NUP37: variants seen among roughly 807,000 people sequenced by gnomAD.
NUP37 encodes nucleoporin Nup37.
NUP37 carries 33 observed loss-of-function variants against 45.4 expected under a neutral mutation model. The ratio of observed to expected loss-of-function variants is 0.73; its 90% CI spans 0.55 to 0.97. NUP37 has a LOEUF of 0.97. Ranked by LOEUF, NUP37 falls within the 50% of genes least tolerant of loss-of-function variation. The probability of loss-of-function intolerance (pLI) is 0.00; values close to 1 mark genes in which losing one functional copy is unlikely to be tolerated. For synonymous variants in NUP37, 127 were observed against 130.7 expected, an observed-to-expected ratio of 0.97 and a Z score of 0.19; for missense variants, 365 against 389.7, an observed-to-expected ratio of 0.94 and a Z score of 0.53.
intron 7 of NUP37, 97 bp downstream of exon 7, chr12:102,077,225 G>A (rs1326110929): frequency 7.9e-7 from 1 of 1,260,388 alleles, no homozygotes; most frequent in Non-Finnish European, 1.2e-6. Context: ...TCGCTTGACA[G>A]CATAGTCTCA....
chr12:102,084,767 A>G (rs1033898308), intron 6 of NUP37, among the ~76,000 whole-genome samples: 1 of 152,072 alleles, frequency 6.6e-6, no homozygotes, highest in African/African-American at 2.4e-5. Context: ...AGGAACTACC[A>G]TGAACTTTAG....
intron 3 of NUP37, among the ~76,000 whole-genome samples, chr12:102,102,612 C>T (rs191721919): frequency 5.9e-5 from 9 of 152,270 alleles, no homozygotes; most frequent in Admixed American, 3.3e-4. Flanking sequence ...TAATACAATT[C>T]CACTTGTCTA....
intron 5 of NUP37, among the ~76,000 whole-genome samples, chr12:102,098,437 A>G (rs1284607323): frequency 1.3e-5 from 2 of 152,172 alleles, no homozygotes; most frequent in African/African-American, 4.8e-5. Context: ...ATTATTCCAC[A>G]CAAACTTATC....
chr12:102,118,573 A>G lies in NUP37; in HGVS notation c.-55T>C. ...AAATTAAATAGCCTTCTACTGGACA[A>G]GGTCACGAAACTGTGGATTAGAGCA... On this transcript the variant is annotated 5_prime_UTR_variant, in exon 2 of 10. Transcript: ENST00000552283. 1 of 1,532,252 alleles carries G rather than the reference A, an allele frequency of 6.5e-7. No homozygotes were observed. The highest frequency in any genetic ancestry group is 8.9e-7 in the Non-Finnish European group (1 of 1,128,684). The allele number at this position is 1,532,252 out of a possible 1,614,324, so 94.9% of individuals were successfully genotyped here.
chr12:102,115,889 T>C (rs1406381821), intron 2 of NUP37: 2 of 624,354 alleles, frequency 3.2e-6, no homozygotes, highest in Non-Finnish European at 4.0e-6. Flanking sequence ...TAGTAATGTT[T>C]AACAGTGTTT....
At position 102,118,520 on chromosome 12, in the gene NUP37, T is replaced by C. The variant is rs373346409; in HGVS notation, c.-2A>G. 1.2e-6 allele frequency: 2 copies of C among 1,605,424 alleles called. No individual in the cohort carries two copies. Among genetic ancestry groups the C allele is most frequent in the African/African-American group, 2.7e-5 (2 of 74,538 alleles). ...ATTTCTTGAGGCATCTTGCTTCATC[T>C]TGTATGTCAAAATTCAAGCAGTTGT... On this transcript the variant is annotated 5_prime_UTR_variant, in exon 2 of 10. Transcript: ENST00000552283.
At chr12:102,109,339 G>A (rs1165178030) in intron 3 of NUP37, among the ~76,000 whole-genome samples, 1 of 152,134 alleles carries the variant, frequency 6.6e-6, no homozygotes, top group Non-Finnish European at 1.5e-5. Context: ...ATGATGATAA[G>A]AGAGATGCTG....
At position 102,117,984 on chromosome 12, in the gene NUP37, G is replaced by A. The variant is rs148709528; in HGVS notation, c.156+379C>T. On this transcript the variant is annotated intron_variant, in intron 2 of 9. Coordinates refer to ENST00000552283, the MANE Select transcript of NUP37 (RefSeq NM_024057.4). ...AAGCTATAAAATCTCCTGGAAGATT[G>A]TTTTTTGGGCTCTCAACATTAGCTG... Among the ~76,000 whole-genome samples the A allele has an allele frequency of 2.5e-3, 381 of 152,286 alleles. 3 individuals carry two copies. The highest frequency in any genetic ancestry group is 8.9e-3 in the African/African-American group (369 of 41,572).
chr12:102,082,261 CTT>C (rs1053084480), intron 6 of NUP37, among the ~76,000 whole-genome samples: 11 of 151,832 alleles, frequency 7.2e-5, no homozygotes, highest in Admixed American at 5.2e-4. Flanking sequence ...GTTTATATCT[CTT>C]GGGATTTTCA....
chr12:102,091,399 CAAAAAAAAAAAAA>C (rs1163474160), intron 5 of NUP37, among the ~76,000 whole-genome samples: 5 of 37,802 alleles, frequency 1.3e-4, no homozygotes, highest in Admixed American at 7.8e-4. Flanking sequence ...GACTCCGTCT[CAAAAAAAAAAAAA>C]AAAAAAAAAA....
chr12:102,116,714 C>A (rs1044653510), intron 2 of NUP37, among the ~76,000 whole-genome samples: 1 of 152,156 alleles, frequency 6.6e-6, no homozygotes, highest in Non-Finnish European at 1.5e-5. Flanking sequence ...CTGTAAGATA[C>A]AGAATTGCCG....
Position 102,074,459 on chromosome 12 carries a change from G to A in NUP37, c.876C>T (p.Leu292=), listed in dbSNP as rs1879112529. Reference sequence around the variant, plus strand: ...CAGATCCAACGGCTACAGAACCCATGAGGATGGGCTATAAAATATGTGAAG... The same window carrying A: ...CAGATCCAACGGCTACAGAACCCATAAGGATGGGCTATAAAATATGTGAAG... ...IHHLGHPQPI[L]MGSVAVGSGL... is the part of the protein sequence containing the mutation. The change falls in exon 10 of 10, where the codon CTC becomes CTT. Residue 292 remains leucine, a synonymous_variant. Transcript: ENST00000552283. 1.9e-6 allele frequency: 3 copies of A among 1,595,988 alleles called. 1 individual carries two copies. Among genetic ancestry groups the A allele is most frequent in the Non-Finnish European group, 2.6e-6 (3 of 1,167,734 alleles).
chr12:102,082,097 T>G (rs1431592838), intron 6 of NUP37, among the ~76,000 whole-genome samples: 2 of 152,216 alleles, frequency 1.3e-5, no homozygotes, highest in Admixed American at 1.3e-4. Flanking sequence ...TCCTTGGTCC[T>G]GTTATTAGTA....
rs564138046 is a variant in NUP37, at chr12:102,087,691, T to C, written c.450-1835A>G. Among the ~76,000 whole-genome samples, 233 of 152,356 alleles carry C rather than the reference T, an allele frequency of 1.5e-3. 1 individual carries two copies. Among genetic ancestry groups the C allele is most frequent in the African/African-American group, 5.4e-3 (224 of 41,594 alleles). ...ACTACTGAAATAGTATGAATTTGTC[T>C]TGAAAATTCAGCAAGTCCCATGAGA... On this transcript the variant is annotated intron_variant, in intron 5 of 9. Coordinates refer to ENST00000552283, the MANE Select transcript of NUP37 (RefSeq NM_024057.4).
chr12:102,100,563 G>T (rs1594394884), intron 4 of NUP37, among the ~76,000 whole-genome samples: 1 of 152,132 alleles, frequency 6.6e-6, no homozygotes, highest in African/African-American at 2.4e-5. Context: ...AAGAGATTAG[G>T]TTACTTAACC....
chr12:102,085,257 CA>C (rs1414980856), intron 6 of NUP37, among the ~76,000 whole-genome samples: 1 of 151,564 alleles, frequency 6.6e-6, no homozygotes, highest in African/African-American at 2.4e-5. Context: ...TCAGCCCTAC[CA>C]AAAATACAAA....
chr12:102,114,859 G>T (rs548715090), intron 2 of NUP37, among the ~76,000 whole-genome samples: 2 of 152,244 alleles, frequency 1.3e-5, no homozygotes, highest in African/African-American at 2.4e-5. Flanking sequence ...CTAATTATTA[G>T]AAGAGTTCTT....
intron 5 of NUP37, among the ~76,000 whole-genome samples, chr12:102,092,965 G>A (rs1368918738): frequency 6.6e-6 from 1 of 152,104 alleles, no homozygotes; most frequent in Non-Finnish European, 1.5e-5. Context: ...TGAGCAAGTA[G>A]TAGTTGTAGC....
intron 3 of NUP37, among the ~76,000 whole-genome samples, chr12:102,107,843 C>G (rs1436746684): frequency 6.6e-6 from 1 of 151,768 alleles, no homozygotes; most frequent in East Asian, 1.9e-4. Context: ...ACTGATAAAA[C>G]TATAAAAAAA....
Sources: gnomAD v4.1 joint callset for allele counts (sites outside exome capture counted in the v4.1 genomes callset) on GRCh38, gnomAD v4.1.1 for gene constraint, MANE v1.5 for transcripts, NCBI Gene and HGNC (gene_info 2026-07-23, HGNC 2026-07-21) for gene names.